BZW2: variants seen among roughly 807,000 people sequenced by gnomAD.
BZW2 encodes the protein eIF5-mimic protein 1.
In BZW2, 23 loss-of-function variants were observed where a neutral mutation model predicts 53.2. That is an observed-to-expected ratio of 0.43 (90% CI 0.31 to 0.61). The LOEUF is 0.61. BZW2 is among the 20% of genes least tolerant of loss of function. BZW2 has a pLI of 0.09. For synonymous variants in BZW2, 227 were observed against 186.4 expected (o/e 1.22, Z -1.77); for missense variants, 409 against 503.1 (o/e 0.81, Z 1.79).
At chr7:16,671,218 ATTC>A (rs1782587938) in intron 2 of BZW2, among the ~76,000 whole-genome samples, 1 of 151,896 alleles carries the variant, frequency 6.6e-6, no homozygotes, top group East Asian at 1.9e-4. Context: ...GTCCTTCTCT[ATTC>A]TTTCATTGTA....
At chr7:16,688,595 G>C (rs1350177841) in intron 6 of BZW2, 2 of 152,172 alleles carry the variant, frequency 1.3e-5, no homozygotes, top group Non-Finnish European at 2.9e-5. Context: ...TAGGAAGGAG[G>C]TAAAGAGAAT....
In BZW2 at chr7:16,689,897, G is replaced by T. The variant is rs760256408; in HGVS notation, c.642G>T (p.Lys214Asn). The change falls in exon 7 of 12, where the codon AAG (lysine) becomes AAT (asparagine). Residue 214 changes from lysine to asparagine, a missense_variant. Around this residue, in one of 3 missense-constraint regions of BZW2, gnomAD observed 316 missense variants for 366.8 expected, o/e 0.86. Transcript: ENST00000258761. ...CTTTGAGAAAAGCCAACTTAGACAAGAGGCTGCTTGTAAGTGTTTTCTGGT... is the reference window on the plus strand; with the variant it reads ...CTTTGAGAAAAGCCAACTTAGACAATAGGCTGCTTGTAAGTGTTTTCTGGT... ...TSSLRKANLDKRLLELFPVNR... is the reference protein window; with the variant it reads ...TSSLRKANLDNRLLELFPVNR... The T allele has an allele frequency of 6.2e-7, 1 of 1,609,510 alleles. No individual in the cohort carries two copies. The highest frequency in any genetic ancestry group is 8.5e-7 in the Non-Finnish European group (1 of 1,177,678).
intron 1 of BZW2, among the ~76,000 whole-genome samples, chr7:16,656,263 T>TATCATTGATGAA (rs1782120453): frequency 1.3e-5 from 2 of 152,062 alleles, no homozygotes; most frequent in Non-Finnish European, 2.9e-5. Flanking sequence ...GGAAAGACGT[T>TATCATTGATGAA]ATCATTGATG....
intron 1 of BZW2, chr7:16,662,185 A>G (rs1309143284): frequency 6.6e-6 from 1 of 152,156 alleles, no homozygotes; most frequent in Non-Finnish European, 1.5e-5. Flanking sequence ...TCTGCTCCAA[A>G]TAGTAACAGC....
Position 16,701,631 on chromosome 7 carries a change from A to G in BZW2, c.1109-2916A>G, listed in dbSNP as rs1348088815. On this transcript the variant is annotated intron_variant, in intron 10 of 11. Coordinates refer to ENST00000258761, the MANE Select transcript of BZW2 (RefSeq NM_014038.3). ...TCTAAAATTTAGCAGTTCTCAAGCC[A>G]CTTTTACAGTATTGTCTCTTCGATC... Among the ~76,000 whole-genome samples, 3 of 152,192 alleles carry G rather than the reference A, an allele frequency of 2.0e-5. No individual in the cohort carries two copies. The East Asian group carries it at 5.8e-4, about 29-fold the overall frequency.
At chr7:16,685,041 C>T (rs1027090002) in intron 5 of BZW2, among the ~76,000 whole-genome samples, 1 of 152,088 alleles carries the variant, frequency 6.6e-6, no homozygotes, top group African/African-American at 2.4e-5. Context: ...ATAGTGGCCC[C>T]TGAGGAATTT....
At chr7:16,649,162 G>A (rs192159416) in intron 1 of BZW2, among the ~76,000 whole-genome samples, 114 of 152,038 alleles carry the variant, frequency 7.5e-4, no homozygotes, top group Non-Finnish European at 1.2e-3. Flanking sequence ...CTTTCTCATC[G>A]CATTCTATTA....
chr7:16,671,948 T>G (rs1010910842), intron 2 of BZW2, among the ~76,000 whole-genome samples: 1 of 90,516 alleles, frequency 1.1e-5, no homozygotes, highest in South Asian at 3.5e-4. Flanking sequence ...AAAAAAAAAA[T>G]CGGAACACTA....
intron 2 of BZW2, among the ~76,000 whole-genome samples, chr7:16,671,445 G>A (rs73063997): frequency 0.012 from 1,855 of 152,192 alleles, 46 homozygotes; most frequent in African/African-American, 0.042. Context: ...TTTGTTGTAC[G>A]AATCTCTTAA....
At chr7:16,646,594 C>T (rs939390759) in intron 1 of BZW2, among the ~76,000 whole-genome samples, 6 of 152,166 alleles carry the variant, frequency 3.9e-5, no homozygotes, top group Non-Finnish European at 7.4e-5. Context: ...CACATGGTCT[C>T]GTGCGTGGCA....
intron 11 of BZW2, 142 bp from the exon 12 acceptor site, chr7:16,705,918 T>G (rs1783839893): frequency 1.1e-6 from 1 of 898,576 alleles, no homozygotes; most frequent in Admixed American, 2.4e-5. Flanking sequence ...TGCCCTCATG[T>G]GACTATTTTA....
At chr7:16,664,145 A>T (rs1387874399) in intron 1 of BZW2, among the ~76,000 whole-genome samples, 1 of 151,794 alleles carries the variant, frequency 6.6e-6, no homozygotes, top group African/African-American at 2.4e-5. Flanking sequence ...CCAGCAACTT[A>T]TTTGAAAAGT....
intron 3 of BZW2, 85 bp downstream of exon 3, chr7:16,674,673 T>A: frequency 8.5e-7 from 1 of 1,178,156 alleles, no homozygotes; most frequent in Non-Finnish European, 1.1e-6. Flanking sequence ...AGAGTCTTTA[T>A]AAGTTTATGT....
rs1456466668 is a variant in BZW2, at chr7:16,682,704, CATT to C, written c.340-73_340-71del. 3.7e-6 allele frequency: 3 copies of C among 811,110 alleles called. No individual in the cohort carries two copies. The African/African-American group carries it at 5.3e-5, about 14-fold the overall frequency. 50.2% of individuals were successfully genotyped at this position (811,110 alleles called of 1,614,324 possible). A position where few individuals can be genotyped will look rare whatever the true frequency, so the allele number is the denominator to read the frequency against. Reference sequence around the variant, plus strand: ...TTTTATTATTATAGATCTATGGTGTCATTATAGTGAGTTTCTATTACCTACTTC... The same window carrying C: ...TTTTATTATTATAGATCTATGGTGTCATAGTGAGTTTCTATTACCTACTTC... On this transcript the variant is annotated intron_variant, in intron 4 of 11. Transcript: ENST00000258761.
chr7:16,691,277 C>T (rs1057480008), intron 7 of BZW2, among the ~76,000 whole-genome samples: 12 of 152,120 alleles, frequency 7.9e-5, no homozygotes, highest in African/African-American at 2.9e-4. Context: ...AGTTGCCTGC[C>T]CTCGTGAAAC....
Position 16,657,700 on chromosome 7 carries a change from T to G in BZW2, c.-7-7737T>G, listed in dbSNP as rs187339579. ...GATAAACTTTTTTTTTTCTAAAATT[T>G]GACACCAGTATTTGGCAAATACGAG... On this transcript the variant is annotated intron_variant, in intron 1 of 11. Transcript: ENST00000258761. 1.4e-3 allele frequency among the ~76,000 whole-genome samples: 208 copies of G among 152,278 alleles called. 1 individual carries two copies. The highest frequency in any genetic ancestry group is 4.8e-3 in the African/African-American group (200 of 41,560).
intron 1 of BZW2, 147 bp from the exon 2 acceptor site, chr7:16,665,290 C>A: frequency 1.1e-6 from 1 of 939,810 alleles, no homozygotes; most frequent in Non-Finnish European, 1.6e-6. Context: ...TGGGCGACAG[C>A]GAGACTCTGT....
chr7:16,648,112 A>T (rs1781912790), intron 1 of BZW2, among the ~76,000 whole-genome samples: 2 of 152,256 alleles, frequency 1.3e-5, no homozygotes, highest in African/African-American at 4.8e-5. Flanking sequence ...AAACAGATTC[A>T]TAATGGGTAC....
At chr7:16,690,121 A>G (rs1167187699) in intron 7 of BZW2, among the ~76,000 whole-genome samples, 1 of 152,200 alleles carries the variant, frequency 6.6e-6, no homozygotes, top group South Asian at 2.1e-4. Context: ...TGTGAAGAAT[A>G]TAGACTTCCA....
Sources: gnomAD v4.1 joint callset for allele counts (sites outside exome capture counted in the v4.1 genomes callset) on GRCh38, gnomAD v4.1.1 for gene constraint, gnomAD v4.1.1 regional missense constraint, MANE v1.5 for transcripts, NCBI Gene and HGNC (gene_info 2026-07-23, HGNC 2026-07-21) for gene names.